The following ABCA13 variants were observed in gnomAD, a reference collection of about 807,000 sequenced individuals.
The protein encoded by ABCA13 is ATP binding cassette subfamily A member 13, also known as ATP-binding cassette sub-family A member 13.
In ABCA13, 476 loss-of-function variants were observed where a neutral mutation model predicts 478.7. The observed-to-expected ratio is 0.99, with a 90% CI of 0.92 to 1.07. ABCA13 has a LOEUF of 1.07. Among genes scored for constraint, ABCA13 ranks in the 50% least tolerant of loss-of-function variants. ABCA13 has a pLI of 0.00. For synonymous variants in ABCA13, 2,252 were observed against 2,158.9 expected (o/e 1.04, Z -1.20); for missense variants, 6,060 against 5,910.6 (o/e 1.03, Z -0.83).
At chr7:48,528,606 G>A (rs1833029542) in intron 55 of ABCA13, among the ~76,000 whole-genome samples, 2 of 152,152 alleles carry the variant, frequency 1.3e-5, no homozygotes, top group African/African-American at 4.8e-5. Flanking sequence ...AGGTATCAGA[G>A]TGGATTGGAA....
chr7:48,431,405 A>T (rs1822137479), intron 42 of ABCA13, among the ~76,000 whole-genome samples: 1 of 151,942 alleles, frequency 6.6e-6, no homozygotes, highest in African/African-American at 2.4e-5. Flanking sequence ...TTTTCAACTT[A>T]TTAAGGCTTG....
chr7:48,231,913 C>T lies in ABCA13; in HGVS notation c.763+1958C>T, dbSNP rs577614309. On this transcript the variant is annotated intron_variant, in intron 7 of 61. Coordinates refer to ENST00000435803, the MANE Select transcript of ABCA13 (RefSeq NM_152701.5). ...CTGACCTCAGGTGATCTGCCCTCCT[C>T]GGCCTCCCAAAGTGCTGGGATTACA... is the stretch of plus-strand genomic sequence containing the variant. 3.9e-5 allele frequency among the ~76,000 whole-genome samples: 6 copies of T among 152,188 alleles called. No individual in the cohort carries two copies. In the South Asian group the frequency reaches 8.3e-4, roughly 21 times the overall value.
chr7:48,518,277 T>C (rs369073217), intron 52 of ABCA13, among the ~76,000 whole-genome samples: 2 of 152,202 alleles, frequency 1.3e-5, no homozygotes, highest in African/African-American at 2.4e-5. Context: ...ATGTCAGTCA[T>C]GAATCATGGT....
chr7:48,230,126 G>T (rs1351082751), intron 7 of ABCA13, among the ~76,000 whole-genome samples, 171 bp downstream of exon 7: 1 of 152,156 alleles, frequency 6.6e-6, no homozygotes, highest in Non-Finnish European at 1.5e-5. Flanking sequence ...TAAAAATTTT[G>T]AACTCGAAAC....
chr7:48,268,739 C>T (rs1039422844), intron 15 of ABCA13, among the ~76,000 whole-genome samples: 5 of 151,250 alleles, frequency 3.3e-5, no homozygotes, highest in Admixed American at 3.3e-4. Flanking sequence ...ATAGGTCTCG[C>T]TCTGTTGTTT....
At chr7:48,625,733 A>G (rs1793604830) in intron 59 of ABCA13, among the ~76,000 whole-genome samples, 2 of 152,230 alleles carry the variant, frequency 1.3e-5, no homozygotes, top group Non-Finnish European at 2.9e-5. Flanking sequence ...CATGAACAGT[A>G]TCACCCAGAG....
intron 1 of ABCA13, among the ~76,000 whole-genome samples, chr7:48,172,892 G>A (rs1021560560): frequency 6.7e-6 from 1 of 148,824 alleles, no homozygotes; most frequent in Non-Finnish European, 1.5e-5. Flanking sequence ...TAGTGTGTTC[G>A]TGTCTGTGTA....
intron 15 of ABCA13, among the ~76,000 whole-genome samples, chr7:48,259,735 C>T (rs116917109): frequency 0.031 from 4,720 of 150,532 alleles, 185 homozygotes; most frequent in Admixed American, 0.1. Context: ...TTTTTTGTGG[C>T]GCCCAGTAAC....
intron 42 of ABCA13, among the ~76,000 whole-genome samples, chr7:48,441,634 G>A (rs184063356): frequency 6.0e-4 from 92 of 152,334 alleles, no homozygotes; most frequent in Admixed American, 1.0e-3. Flanking sequence ...GAGTGTGGAA[G>A]TCACTTCTTC....
chr7:48,419,860 C>T (rs951245614), intron 41 of ABCA13, among the ~76,000 whole-genome samples: 1 of 152,092 alleles, frequency 6.6e-6, no homozygotes, highest in Admixed American at 6.5e-5. Context: ...GGCAAAGAAT[C>T]TGGAATATAT....
intron 48 of ABCA13, among the ~76,000 whole-genome samples, chr7:48,503,634 G>A (rs1830946103): frequency 6.6e-6 from 1 of 152,134 alleles, no homozygotes; most frequent in African/African-American, 2.4e-5. Context: ...TTTTGAAGCT[G>A]AGTAATGTTC....
intron 3 of ABCA13, among the ~76,000 whole-genome samples, chr7:48,201,460 G>T (rs1584142670): frequency 6.6e-6 from 1 of 152,072 alleles, no homozygotes; most frequent in African/African-American, 2.4e-5. Flanking sequence ...AGACCAACTC[G>T]TCTGGCATCC....
intron 48 of ABCA13, 117 bp downstream of exon 48, chr7:48,489,461 C>A: frequency 1.2e-6 from 1 of 833,186 alleles, no homozygotes; most frequent in Non-Finnish European, 1.9e-6. Flanking sequence ...AAGGTTTCTA[C>A]TTGGCAACCA....
rs375011782 is a variant in ABCA13 at position 48,241,054 on chromosome 7, C to T, written c.1250C>T (p.Thr417Ile). The T allele has an allele frequency of 6.2e-6, 10 of 1,614,022 alleles. No individual in the cohort carries two copies. The highest frequency in any genetic ancestry group is 1.1e-5 in the South Asian group (1 of 91,086). ...LSADGPKDNHTFPKILQHLWK... is the reference protein window; with the variant it reads ...LSADGPKDNHIFPKILQHLWK... ...GCAGATGGCCCAAAAGATAATCATACATTTCCAAAGATGTAAGTCGCATTT... is the reference window on the plus strand; with the variant it reads ...GCAGATGGCCCAAAAGATAATCATATATTTCCAAAGATGTAAGTCGCATTT... The change falls in exon 10 of 62, where the codon ACA (threonine) becomes ATA (isoleucine). Residue 417 changes from threonine (T) to isoleucine (I), a missense_variant. Transcript: ENST00000435803.
At chr7:48,220,632 A>G (rs542498693) in intron 4 of ABCA13, among the ~76,000 whole-genome samples, 1 of 152,274 alleles carries the variant, frequency 6.6e-6, no homozygotes, top group African/African-American at 2.4e-5. Context: ...GGCCTGCCTG[A>G]AAGCTGATTT....
At chr7:48,587,800 A>G (rs1026100214) in intron 57 of ABCA13, among the ~76,000 whole-genome samples, 1 of 152,182 alleles carries the variant, frequency 6.6e-6, no homozygotes, top group Non-Finnish European at 1.5e-5. Context: ...TCAATCTGGG[A>G]ACTGCAGTTA....
chr7:48,436,010 C>A (rs1822782892), intron 42 of ABCA13, among the ~76,000 whole-genome samples: 1 of 149,090 alleles, frequency 6.7e-6, no homozygotes, highest in Non-Finnish European at 1.5e-5. Flanking sequence ...CTTCATAACT[C>A]ATTCTGTGAG....
intron 42 of ABCA13, among the ~76,000 whole-genome samples, chr7:48,430,464 A>G (rs1186462783): frequency 6.6e-6 from 1 of 152,126 alleles, no homozygotes; most frequent in African/African-American, 2.4e-5. Context: ...TCATGAGGTC[A>G]GGAGATCAAG....
intron 31 of ABCA13, among the ~76,000 whole-genome samples, chr7:48,355,293 G>C (rs1337607259): frequency 1.3e-5 from 2 of 151,952 alleles, no homozygotes; most frequent in Non-Finnish European, 2.9e-5. Flanking sequence ...GGATGCAGAA[G>C]CACAAGGGGA....
Sources: allele counts gnomAD v4.1 joint callset (sites outside exome capture counted in the v4.1 genomes callset), GRCh38; gene constraint gnomAD v4.1.1; transcripts MANE v1.5; gene names NCBI Gene and HGNC (gene_info 2026-07-23, HGNC 2026-07-21).